Variants in PRODH2 observed in about 807,000 individuals in gnomAD.
PRODH2 encodes the protein hydroxyproline dehydrogenase.
A neutral mutation model predicts 51.9 loss-of-function variants in PRODH2; 49 were observed. That is an observed-to-expected ratio of 0.94 (90% CI 0.75 to 1.20). The LOEUF (loss-of-function observed/expected upper bound fraction) is 1.20. Ranked by LOEUF, PRODH2 falls within the 50% of genes most tolerant of loss-of-function variation. The pLI is 0.00. For synonymous variants in PRODH2, 249 were observed against 260.7 expected (o/e 0.96, Z 0.43); for missense variants, 597 against 610.9 (o/e 0.98, Z 0.24).
intron 4 of PRODH2, among the ~76,000 whole-genome samples, chr19:35,807,632 C>A (rs1024483682): frequency 6.6e-6 from 1 of 152,094 alleles, no homozygotes; most frequent in Admixed American, 6.6e-5. Flanking sequence ...CACGAGGGCA[C>A]CTTCCCACCT....
At chr19:35,807,270 G>C in intron 4 of PRODH2, 149 bp from the exon 5 acceptor site, 1 of 739,656 alleles carries the variant, frequency 1.4e-6, no homozygotes, top group Non-Finnish European at 2.2e-6. Flanking sequence ...GTGTGACCTT[G>C]GGCAAGTTAT....
chr19:35,811,548 GAGAA>G (rs138661225), intron 4 of PRODH2, among the ~76,000 whole-genome samples: 4,123 of 150,916 alleles, frequency 0.027, 177 homozygotes, highest in African/African-American at 0.092. Context: ...AGGAGAGAGA[GAGAA>G]AGAAAGAAAA....
At chr19:35,805,601 G>A (rs950815566) in intron 7 of PRODH2, among the ~76,000 whole-genome samples, 3 of 152,114 alleles carry the variant, frequency 2.0e-5, no homozygotes, top group African/African-American at 7.2e-5. Context: ...TTACAGATGG[G>A]GTCTTGCTAT....
chr19:35,805,787 C>T (rs942349671), intron 7 of PRODH2, among the ~76,000 whole-genome samples: 4 of 152,218 alleles, frequency 2.6e-5, no homozygotes, highest in African/African-American at 7.2e-5. Context: ...GGATTCCAAG[C>T]GTGGCTAGGC....
In PRODH2 at chr19:35,812,635, C is replaced by A. The variant is rs1288945796; in HGVS notation, c.171G>T (p.Leu57=). 1 of 1,593,016 alleles carries A rather than the reference C, an allele frequency of 6.3e-7. No homozygotes were observed. Among genetic ancestry groups the A allele is most frequent in the Non-Finnish European group, 8.6e-7 (1 of 1,166,782 alleles). Residue 57 remains leucine (L), a synonymous_variant, in exon 1 of 10, where the codon CTG becomes CTT. Transcript: ENST00000653904. ...GGTCCTCAGGATCACTGCTCACCAACAGCCCGTGAGTGACGAGTGGGGGCC... is the reference window on the plus strand; with the variant it reads ...GGTCCTCAGGATCACTGCTCACCAAAAGCCCGTGAGTGACGAGTGGGGGCC... ...CAWPPLVTHG[L]LLQAWSRRLL... is the part of the protein sequence containing the mutation.
At position 35,806,521 on chromosome 19, in the gene PRODH2, G is replaced by T. The variant is rs146276996; in HGVS notation, c.910C>A (p.Arg304=). 2.7e-4 allele frequency: 438 copies of T among 1,614,114 alleles called. 3 individuals are homozygous for T. The African/African-American group carries it at 5.3e-3, about 20-fold the overall frequency. The change falls in exon 7 of 10, where the codon CGA becomes AGA. Residue 304 remains arginine, a synonymous_variant. Transcript: ENST00000653904. ...AGLAFGVKLV[R]GAYLDKERAV... ...CTCTCCTTGTCCAGATATGCACCTCGTACCAGCTTCACTCCGAAGGCCAGG... is the reference window on the plus strand; with the variant it reads ...CTCTCCTTGTCCAGATATGCACCTCTTACCAGCTTCACTCCGAAGGCCAGG...
intron 7 of PRODH2, among the ~76,000 whole-genome samples, chr19:35,803,499 C>A (rs1972464518): frequency 6.6e-6 from 1 of 152,210 alleles, no homozygotes; most frequent in African/African-American, 2.4e-5. Context: ...AGGTGATCTG[C>A]CCGCCTCAGC....
intron 9 of PRODH2, among the ~76,000 whole-genome samples, chr19:35,801,200 C>T (rs1244934882): frequency 6.6e-6 from 1 of 151,742 alleles, no homozygotes; most frequent in Non-Finnish European, 1.5e-5. Context: ...CGTGGTGGCT[C>T]ACGCCTGTAA....
In PRODH2 at chr19:35,811,900, C is replaced by G. The variant is rs139518789; in HGVS notation, c.597+62G>C. ...CGTAGCATTTTGAACATCTGGCGTG[C>G]GGTGTGGCCGCATCTAAGTCCAAGG... is the stretch of plus-strand genomic sequence containing the variant. On this transcript the variant is annotated intron_variant, in intron 4 of 9. Transcript: ENST00000653904. 1,114 of 1,496,050 alleles carry G rather than the reference C, an allele frequency of 7.4e-4. 3 individuals are homozygous for G. In the Middle Eastern group the frequency reaches 0.014, roughly 19 times the overall value. The allele number at this position is 1,496,050 out of a possible 1,614,324, so 92.7% of individuals were successfully genotyped here.
intron 7 of PRODH2, 110 bp downstream of exon 7, chr19:35,806,320 G>C (rs1171448314): frequency 1.4e-6 from 2 of 1,384,350 alleles, no homozygotes; most frequent in African/African-American, 2.8e-5. Context: ...CTGCTCTCAA[G>C]TGAATCTCTA....
intron 6 of PRODH2, 38 bp from the exon 7 acceptor site, chr19:35,806,634 G>A (rs1319497415): frequency 5.6e-6 from 9 of 1,613,934 alleles, no homozygotes; most frequent in Non-Finnish European, 6.8e-6. Context: ...AGGTCAGGGT[G>A]TGGGGACCCC....
rs773824225 is a variant in PRODH2, at chr19:35,812,155, C to T, written c.489G>A (p.Ala163=). The change falls in exon 3 of 10, where the codon GCG becomes GCA. Residue 163 remains alanine, a synonymous_variant. Coordinates refer to ENST00000653904, the MANE Select transcript of PRODH2 (RefSeq NM_021232.2). The part of the protein sequence containing the change: ...EASLMQLKVT[A]LTSTRLCKEL... ...TTACACAGAGCCGAGTACTGGTCAG[C>T]GCCGTCACCTTCAGCTGCATGAGGC... 3.1e-6 allele frequency: 5 copies of T among 1,614,112 alleles called. No individual in the cohort carries two copies. The highest frequency in any genetic ancestry group is 4.5e-5 in the East Asian group (2 of 44,884).
At chr19:35,809,217 C>T (rs1175993144) in intron 4 of PRODH2, among the ~76,000 whole-genome samples, 1 of 151,966 alleles carries the variant, frequency 6.6e-6, no homozygotes. Flanking sequence ...CCTTAGCCTC[C>T]CAAGTAGCCA....
intron 9 of PRODH2, among the ~76,000 whole-genome samples, chr19:35,801,482 TA>T (rs1972428195): frequency 6.6e-6 from 1 of 151,394 alleles, no homozygotes; most frequent in African/African-American, 2.4e-5. Flanking sequence ...AATAAATAAA[TA>T]AAATAAAATA....
rs547045667 is a variant in PRODH2 at position 35,801,381 on chromosome 19, G to A, written c.1198+810C>T. ...CTTGGGAGGCTGAGGCAGGAGAATC[G>A]CTTGAACCTGGGAGGCAAAGGTTGC... On this transcript the variant is annotated intron_variant, in intron 9 of 9. Coordinates refer to ENST00000653904, the MANE Select transcript of PRODH2 (RefSeq NM_021232.2). Among the ~76,000 whole-genome samples, 9 of 152,180 alleles carry A rather than the reference G, an allele frequency of 5.9e-5. No homozygotes were observed. The South Asian group carries it at 1.7e-3, about 28-fold the overall frequency.
chr19:35,804,257 G>A (rs1568441067), intron 7 of PRODH2, among the ~76,000 whole-genome samples: 1 of 152,204 alleles, frequency 6.6e-6, no homozygotes, highest in African/African-American at 2.4e-5. Context: ...GCGTGATCTC[G>A]GCTCACGGAA....
chr19:35,810,874 G>A (rs943486401), intron 4 of PRODH2, among the ~76,000 whole-genome samples: 3 of 152,078 alleles, frequency 2.0e-5, no homozygotes, highest in African/African-American at 7.2e-5. Context: ...TATTGGTTAA[G>A]GTTCATCAAA....
intron 4 of PRODH2, among the ~76,000 whole-genome samples, chr19:35,809,288 G>T (rs773842834): frequency 6.6e-6 from 1 of 152,028 alleles, no homozygotes; most frequent in Non-Finnish European, 1.5e-5. Context: ...TAGAGATGAG[G>T]GTTTACTATA....
chr19:35,806,850 C>A lies in PRODH2; in HGVS notation c.679-20G>T, dbSNP rs553767073. ...GGCATACTGATGGCGACAGAGACGA[C>A]GGTCAGGGCCCCGGGTGTCCAGCAG... On this transcript the variant is annotated intron_variant, in intron 5 of 9. Transcript: ENST00000653904. 11 of 1,577,254 alleles carry A rather than the reference C, an allele frequency of 7.0e-6. No individual in the cohort carries two copies. The East Asian group carries it at 2.1e-4, about 30-fold the overall frequency.
Sources: allele counts gnomAD v4.1 joint callset (sites outside exome capture counted in the v4.1 genomes callset), GRCh38; gene constraint gnomAD v4.1.1; transcripts MANE v1.5; gene names NCBI Gene and HGNC (gene_info 2026-07-23, HGNC 2026-07-21).